MKLN1: variants seen among roughly 807,000 people sequenced by gnomAD.
MKLN1 encodes muskelin.
Under a neutral mutation model 99.0 loss-of-function variants are expected in MKLN1, and 18 were observed. The observed-to-expected ratio is 0.18, with a 90% confidence interval of 0.13 to 0.27. The LOEUF (loss-of-function observed/expected upper bound fraction) is 0.27, where lower values mean the gene tolerates loss of function less well. MKLN1 is among the 10% of genes least tolerant of loss of function. The pLI is 1.00. For missense variants in MKLN1, 621 were observed against 875.9 expected, an observed-to-expected ratio of 0.71 and a Z score of 3.67; for synonymous variants, 288 against 293.2, an observed-to-expected ratio of 0.98 and a Z score of 0.18.
intron 3 of MKLN1, among the ~76,000 whole-genome samples, chr7:131,227,467 CTT>C (rs1395915728): frequency 1.4e-5 from 2 of 143,438 alleles, no homozygotes; most frequent in Non-Finnish European, 3.0e-5. Flanking sequence ...TTGTTTCTTT[CTT>C]TCTTTCTCTC....
chr7:131,274,942 C>T (rs916140884), intron 3 of MKLN1, among the ~76,000 whole-genome samples: 9 of 152,162 alleles, frequency 5.9e-5, no homozygotes, highest in Non-Finnish European at 1.0e-4. Context: ...CCTTCTTGGC[C>T]TCTGAGAAGA....
chr7:131,338,598 G>T (rs1016413215), intron 1 of MKLN1, among the ~76,000 whole-genome samples: 2 of 152,070 alleles, frequency 1.3e-5, no homozygotes, highest in African/African-American at 2.4e-5. Flanking sequence ...AGACTATTCC[G>T]TCATATTCAA....
At chr7:131,400,092 TGA>T (rs1794489223) in intron 6 of MKLN1, among the ~76,000 whole-genome samples, 1 of 152,106 alleles carries the variant, frequency 6.6e-6, no homozygotes, top group East Asian at 1.9e-4. Flanking sequence ...ACTTTCATAG[TGA>T]CAAACAACAG....
intron 1 of MKLN1, among the ~76,000 whole-genome samples, chr7:131,333,169 T>G (rs1030270080): frequency 6.6e-6 from 1 of 152,108 alleles, no homozygotes; most frequent in African/African-American, 2.4e-5. Flanking sequence ...AATGATCCAC[T>G]TGCTTTGGCC....
intron 3 of MKLN1, chr7:131,242,820 C>A: frequency 1.5e-6 from 1 of 663,364 alleles, no homozygotes. Flanking sequence ...AGTTTATAAC[C>A]ACAATCAGCT....
chr7:131,134,419 C>T lies in MKLN1; in HGVS notation c.-418-8401C>T, dbSNP rs150597969. Among the ~76,000 whole-genome samples, 191 of 152,210 alleles carry T rather than the reference C, an allele frequency of 1.3e-3. 1 individual carries two copies. Among genetic ancestry groups the T allele is most frequent in the African/African-American group, 3.9e-3 (162 of 41,536 alleles). On this transcript the variant is annotated intron_variant, in intron 1 of 7. Coordinates refer to the MKLN1 transcript ENST00000416992. ...TGCCCCCAAGATATCCTATTTATTA[C>T]GAGGACTGAGCCACTGATGGGCCCG...
At position 131,145,336 on chromosome 7, in the gene MKLN1, C is replaced by T. The variant is rs145771237; in HGVS notation, c.-297+2395C>T. On this transcript the variant is annotated intron_variant, in intron 2 of 7. Coordinates refer to the MKLN1 transcript ENST00000416992. ...AGGTGGCTTACAGCTACACACGGCA[C>T]GAAGATTTACAGTCTCCTGTTGATT... 3.4e-3 allele frequency among the ~76,000 whole-genome samples: 515 copies of T among 152,080 alleles called. 18 individuals carry two copies. Among genetic ancestry groups the T allele is most frequent in the Admixed American group, 0.029 (448 of 15,266 alleles).
At chr7:131,333,613 C>T (rs983567217) in intron 1 of MKLN1, among the ~76,000 whole-genome samples, 6 of 151,812 alleles carry the variant, frequency 4.0e-5, no homozygotes, top group African/African-American at 7.3e-5. Flanking sequence ...CTCGGCTCAC[C>T]GCAACCTCTG....
At chr7:131,224,407 G>T (rs560038514) in intron 3 of MKLN1, among the ~76,000 whole-genome samples, 434 of 152,112 alleles carry the variant, frequency 2.9e-3, no homozygotes, top group Non-Finnish European at 2.8e-3. Flanking sequence ...TTAGCTGGGC[G>T]TGGTGGCGAG....
rs528061529 is a variant in MKLN1 at position 131,243,633 on chromosome 7, T to C, written c.-179+40659T>C. ...TAATGGAAAATTAGCTGGCCAAGGC[T>C]AAGATGACCACGGCTAACTGCTATT... On this transcript the variant is annotated intron_variant, in intron 3 of 7. Coordinates refer to the MKLN1 transcript ENST00000416992. 2.0e-5 allele frequency among the ~76,000 whole-genome samples: 3 copies of C among 152,354 alleles called. No homozygotes were observed. In the East Asian group the frequency reaches 5.8e-4, roughly 29 times the overall value.
chr7:131,415,351 C>A (rs561072725), intron 8 of MKLN1, among the ~76,000 whole-genome samples: 21 of 152,010 alleles, frequency 1.4e-4, no homozygotes, highest in Non-Finnish European at 2.6e-4. Flanking sequence ...TCTTTCCAGG[C>A]GTAATGAATG....
At chr7:131,249,159 C>T (rs114771249) in intron 3 of MKLN1, among the ~76,000 whole-genome samples, 281 of 152,308 alleles carry the variant, frequency 1.8e-3, no homozygotes, top group Admixed American at 4.1e-3. Flanking sequence ...GGCTGACTCA[C>T]GATCTCAGCT....
At chr7:131,479,069 T>A in intron 17 of MKLN1, 1 of 168,772 alleles carries the variant, frequency 5.9e-6, no homozygotes, top group Non-Finnish European at 1.3e-5. Flanking sequence ...GTCAAGAGAA[T>A]AGCGATGGGG....
intron 3 of MKLN1, among the ~76,000 whole-genome samples, chr7:131,311,908 A>G (rs1419669988): frequency 6.6e-6 from 1 of 152,150 alleles, no homozygotes; most frequent in Non-Finnish European, 1.5e-5. Context: ...AAAAGAGAAA[A>G]CCAAATTTTA....
At chr7:131,366,670 G>T (rs1180303165) in intron 1 of MKLN1, among the ~76,000 whole-genome samples, 5 of 152,062 alleles carry the variant, frequency 3.3e-5, no homozygotes, top group Non-Finnish European at 5.9e-5. Context: ...AAACTAGCCG[G>T]GCATGGTGGC....
chr7:131,257,795 G>C (rs981181372), intron 3 of MKLN1, among the ~76,000 whole-genome samples: 1 of 152,136 alleles, frequency 6.6e-6, no homozygotes, highest in Non-Finnish European at 1.5e-5. Flanking sequence ...TGGGGAAAAA[G>C]TCTTGGATGC....
In MKLN1 at chr7:131,446,456, T is replaced by A. The variant is rs190306723; in HGVS notation, c.1525+553T>A. On this transcript the variant is annotated intron_variant, in intron 12 of 17. Transcript: ENST00000352689. ...TTTGATCATTTATAGTTACCCTACA[T>A]AGTAGTTGCTTTGCCTGTGATTATT... Among the ~76,000 whole-genome samples the A allele has an allele frequency of 6.6e-4, 100 of 152,382 alleles. 1 individual carries two copies. Among genetic ancestry groups the A allele is most frequent in the Admixed American group, 2.2e-3 (33 of 15,304 alleles).
intron 1 of MKLN1, among the ~76,000 whole-genome samples, chr7:131,332,473 TTA>T (rs1456651520): frequency 2.0e-5 from 3 of 148,856 alleles, no homozygotes; most frequent in Non-Finnish European, 4.5e-5. Flanking sequence ...AAAATATATT[TTA>T]TATATCTTTT....
chr7:131,398,547 A>G (rs1199712941), intron 5 of MKLN1, among the ~76,000 whole-genome samples: 1 of 152,124 alleles, frequency 6.6e-6, no homozygotes, highest in African/African-American at 2.4e-5. Flanking sequence ...TACAAAAATT[A>G]GCTGGGCGTG....
Sources: gnomAD v4.1 joint callset for allele counts (sites outside exome capture counted in the v4.1 genomes callset) on GRCh38, gnomAD v4.1.1 for gene constraint, MANE v1.5 for transcripts, NCBI Gene and HGNC (gene_info 2026-07-23, HGNC 2026-07-21) for gene names.